Variants in ZNF804A observed in about 807,000 individuals in gnomAD.
The protein encoded by ZNF804A is zinc finger protein 804A.
ZNF804A carries 2 observed loss-of-function variants against 16.5 expected under a neutral mutation model. The observed-to-expected ratio is 0.12, with a 90% CI of 0.05 to 0.38. ZNF804A has a LOEUF of 0.38. Ranked by LOEUF, ZNF804A falls within the 10% of genes least tolerant of loss-of-function variation. The pLI is 0.99. For synonymous variants in ZNF804A, 534 were observed against 489.6 expected, an observed-to-expected ratio of 1.09 and a Z score of -1.20; for missense variants, 1,473 against 1,390.7, an observed-to-expected ratio of 1.06 and a Z score of -0.94.
intron 1 of ZNF804A, among the ~76,000 whole-genome samples, chr2:184,683,305 G>A (rs1302814772): frequency 6.6e-6 from 1 of 151,638 alleles, no homozygotes; most frequent in Non-Finnish European, 1.5e-5. Flanking sequence ...TTTTTCTGTA[G>A]GTTTCAAGTA....
chr2:184,821,920 T>C (rs1388993184), intron 1 of ZNF804A, among the ~76,000 whole-genome samples: 1 of 152,146 alleles, frequency 6.6e-6, no homozygotes. Context: ...CAGCAGATGC[T>C]GGCGAGGTTG....
At chr2:184,732,200 G>T (rs906030039) in intron 1 of ZNF804A, among the ~76,000 whole-genome samples, 31 of 150,794 alleles carry the variant, frequency 2.1e-4, no homozygotes, top group Non-Finnish European at 4.4e-4. Flanking sequence ...TTTAGGTCTG[G>T]ACTCTATTTG....
intron 1 of ZNF804A, among the ~76,000 whole-genome samples, chr2:184,729,381 C>T (rs1693474767): frequency 1.3e-5 from 2 of 151,674 alleles, no homozygotes; most frequent in Admixed American, 1.3e-4. Context: ...GTAAGAAATA[C>T]CTCATGATCT....
At chr2:184,655,915 C>A (rs1206380023) in intron 1 of ZNF804A, among the ~76,000 whole-genome samples, 1 of 151,768 alleles carries the variant, frequency 6.6e-6, no homozygotes, top group Non-Finnish European at 1.5e-5. Flanking sequence ...GAAAATTTTG[C>A]ATGTGAAAAG....
chr2:184,656,743 CACACACATATATAT>C (rs771823630), intron 1 of ZNF804A, among the ~76,000 whole-genome samples: 45 of 152,012 alleles, frequency 3.0e-4, no homozygotes, highest in Non-Finnish European at 5.6e-4. Flanking sequence ...TACACACACA[CACACACATATATAT>C]ATACACATAC....
rs551269423 is a variant in ZNF804A at position 184,614,529 on chromosome 2, C to A, written c.111+15459C>A. ...CAGAATGGGAGAAATTTTATACAAT[C>A]TATCCATCTGACAAAGAGCTAATAT... On this transcript the variant is annotated intron_variant, in intron 1 of 3. Transcript: ENST00000302277. Among the ~76,000 whole-genome samples, 6 of 152,302 alleles carry A rather than the reference C, an allele frequency of 3.9e-5. No homozygotes were observed. The East Asian group carries it at 1.2e-3, about 29-fold the overall frequency.
intron 1 of ZNF804A, among the ~76,000 whole-genome samples, chr2:184,794,488 T>C (rs1694600675): frequency 6.6e-6 from 1 of 152,034 alleles, no homozygotes; most frequent in Non-Finnish European, 1.5e-5. Flanking sequence ...TTGTCAGATG[T>C]ATAGATTTTG....
At chr2:184,654,234 G>T (rs1417072320) in intron 1 of ZNF804A, among the ~76,000 whole-genome samples, 1 of 152,200 alleles carries the variant, frequency 6.6e-6, no homozygotes, top group Non-Finnish European at 1.5e-5. Flanking sequence ...GGCAAATAAA[G>T]AAATGGGCAA....
Position 184,937,474 on chromosome 2 carries a change from G to C in ZNF804A, c.2078G>C (p.Cys693Ser), listed in dbSNP as rs1401372674. ...TYDTISSKNH[C>S]KKNTILLNGQ... ...GATACTATCAGTTCTAAAAACCACT[G>C]TAAAAAGAACACAATACTTTTAAAT... The change falls in exon 4 of 4, where the codon TGT (cysteine) becomes TCT (serine). Residue 693 changes from cysteine (C) to serine (S), a missense_variant. Physicochemically the swap from Cys to Ser is moderately radical, Grantham distance 112. Transcript: ENST00000302277. 1.9e-6 allele frequency: 3 copies of C among 1,572,808 alleles called. No individual in the cohort carries two copies. The highest frequency in any genetic ancestry group is 1.9e-5 in the Admixed American group (1 of 53,088).
At chr2:184,826,566 A>G (rs370844835) in intron 1 of ZNF804A, among the ~76,000 whole-genome samples, 2 of 152,124 alleles carry the variant, frequency 1.3e-5, no homozygotes, top group African/African-American at 2.4e-5. Context: ...AAAAACACAA[A>G]CAAAAAGGGA....
chr2:184,676,507 A>G (rs189273761), intron 1 of ZNF804A, among the ~76,000 whole-genome samples: 1 of 151,776 alleles, frequency 6.6e-6, no homozygotes, highest in Admixed American at 6.6e-5. Flanking sequence ...AAGTTAATAA[A>G]GACTGAACAA....
intron 1 of ZNF804A, among the ~76,000 whole-genome samples, chr2:184,851,691 G>A (rs948766219): frequency 4.0e-5 from 6 of 151,676 alleles, no homozygotes; most frequent in Non-Finnish European, 8.9e-5. Flanking sequence ...CATTTCTTTT[G>A]GATATATTCC....
At chr2:184,796,483 T>A (rs180816794) in intron 1 of ZNF804A, among the ~76,000 whole-genome samples, 143 of 152,270 alleles carry the variant, frequency 9.4e-4, no homozygotes, top group Middle Eastern at 3.4e-3. Context: ...AATTTATCCA[T>A]CTCTTCTAGG....
At chr2:184,843,436 T>G (rs184397070) in intron 1 of ZNF804A, among the ~76,000 whole-genome samples, 3,049 of 151,752 alleles carry the variant, frequency 0.02, 103 homozygotes, top group African/African-American at 0.069. Flanking sequence ...CTAATTTTTT[T>G]TTTGTGTGTG....
At chr2:184,785,479 T>G (rs952681703) in intron 1 of ZNF804A, among the ~76,000 whole-genome samples, 1 of 152,076 alleles carries the variant, frequency 6.6e-6, no homozygotes, top group African/African-American at 2.4e-5. Context: ...GTTTTCCTGA[T>G]ATTATGGAGG....
chr2:184,752,962 GT>G (rs1344506782), intron 1 of ZNF804A, among the ~76,000 whole-genome samples: 1 of 151,398 alleles, frequency 6.6e-6, no homozygotes, highest in African/African-American at 2.4e-5. Flanking sequence ...AAAAAAATAA[GT>G]TTTGGTGAAA....
At chr2:184,790,495 G>C (rs1156518028) in intron 1 of ZNF804A, among the ~76,000 whole-genome samples, 1 of 151,962 alleles carries the variant, frequency 6.6e-6, no homozygotes, top group East Asian at 1.9e-4. Flanking sequence ...AGATATAGCA[G>C]TATTTGTTTT....
chr2:184,646,356 C>T (rs1208175943), intron 1 of ZNF804A, among the ~76,000 whole-genome samples: 1 of 152,210 alleles, frequency 6.6e-6, no homozygotes, highest in Non-Finnish European at 1.5e-5. Context: ...GCTTGGTGAA[C>T]TGGAACTGGT....
intron 1 of ZNF804A, among the ~76,000 whole-genome samples, chr2:184,830,420 A>C (rs148452542): frequency 6.6e-6 from 1 of 152,128 alleles, no homozygotes; most frequent in South Asian, 2.1e-4. Flanking sequence ...AGGTTTAATA[A>C]TAGAGAGATT....
Sources: gnomAD v4.1 joint callset for allele counts (sites outside exome capture counted in the v4.1 genomes callset) on GRCh38, gnomAD v4.1.1 for gene constraint, MANE v1.5 for transcripts, NCBI Gene and HGNC (gene_info 2026-07-23, HGNC 2026-07-21) for gene names.